The following TROAP variants were observed in gnomAD, a reference collection of about 807,000 sequenced individuals.
TROAP encodes tastin.
TROAP carries 62 observed loss-of-function variants against 83.4 expected under a neutral mutation model. The observed-to-expected ratio is 0.74, with a 90% CI of 0.61 to 0.92. TROAP has a LOEUF of 0.92. Among genes scored for constraint, TROAP ranks in the 40% least tolerant of loss-of-function variants. The pLI is 0.00. For synonymous variants in TROAP, 352 were observed against 386.4 expected, an observed-to-expected ratio of 0.91 and a Z score of 1.04; for missense variants, 876 against 985.1, an observed-to-expected ratio of 0.89 and a Z score of 1.48.
Position 49,331,260 on chromosome 12 carries a change from C to G in TROAP, c.2145C>G (p.Leu715=). ...GAACCCTAGCCCTGAGGGAGCGCCT[C>G]AAATCGTGTTTAACCGCCATCCACT... ...APRTLALRER[L]KSCLTAIHCF... is the part of the protein sequence containing the mutation. The change falls in exon 14 of 15, where the codon CTC becomes CTG. Residue 715 remains leucine (L), a synonymous_variant. Transcript: ENST00000257909. 3 of 1,614,242 alleles carry G rather than the reference C, an allele frequency of 1.9e-6. No homozygotes were observed. The highest frequency in any genetic ancestry group is 2.5e-6 in the Non-Finnish European group (3 of 1,180,048).
At chr12:49,325,375 A>G in intron 3 of TROAP, 126 bp from the exon 4 acceptor site, 1 of 1,069,490 alleles carries the variant, frequency 9.4e-7, no homozygotes, top group South Asian at 1.9e-5. Flanking sequence ...TTAAAAAAAA[A>G]AAAAAAAATA....
In TROAP at chr12:49,325,847, G is replaced by A. The variant is rs756121722; in HGVS notation, c.596G>A (p.Arg199Gln). ...CFSRLEGPGP[R>Q]GRTLCPQRLQ... is the part of the protein sequence containing the mutation. ...TCTAGGCTGGAGGGACCAGGACCTC[G>A]AGGCCGGACATTGTGCCCCCAGAGG... The change falls in exon 5 of 15, where the codon CGA becomes CAA. Residue 199 changes from arginine (R) to glutamine (Q), a missense_variant. By Grantham distance (43) the Arg-to-Gln change is conservative (BLOSUM62 1). Coordinates refer to ENST00000257909, the MANE Select transcript of TROAP (RefSeq NM_005480.4). 60 of 1,613,866 alleles carry A rather than the reference G, an allele frequency of 3.7e-5. No homozygotes were observed. The highest frequency in any genetic ancestry group is 8.3e-5 in the Admixed American group (5 of 60,000).
In TROAP at chr12:49,330,915, G is replaced by A; in HGVS notation, c.2070G>A (p.Gln690=). 1 of 1,612,256 alleles carries A rather than the reference G, an allele frequency of 6.2e-7. No homozygotes were observed. The highest frequency in any genetic ancestry group is 2.2e-5 in the East Asian group (1 of 44,886). ...CCAGCCCCCCTATCTGCTCACTCCA[G>A]TCTTTGAGACCCCCAGCAGGCCAGG... ...LCASPPICSL[Q]SLRPPAGQAG... The change falls in exon 13 of 15, where the codon CAG becomes CAA. Residue 690 remains glutamine, a synonymous_variant. Transcript: ENST00000257909.
In TROAP at chr12:49,329,882, A is replaced by ACCAGG. The variant is rs1368342328; in HGVS notation, c.1191_1195dup (p.Glu399AlafsTer6). ...GAGCAGGTTGCCGTCCGGTTGTTTGACCAGGAGAGTTGTATAAGGTCACTG... is the reference window on the plus strand; with the variant it reads ...GAGCAGGTTGCCGTCCGGTTGTTTGACCAGGCCAGGAGAGTTGTATAAGGTCACTG... On this transcript the variant is annotated frameshift_variant, in exon 12 of 15. Transcript: ENST00000257909. LOFTEE classifies it high-confidence loss of function. This position sits in a 1 kb window ranked among gnomAD's most constrained non-coding sequence, Gnocchi z 4.5. 18 of 1,613,776 alleles carry ACCAGG rather than the reference A, an allele frequency of 1.1e-5. 1 individual carries two copies. Among genetic ancestry groups the ACCAGG allele is most frequent in the Non-Finnish European group, 1.7e-6 (2 of 1,179,938 alleles).
intron 8 of TROAP, among the ~76,000 whole-genome samples, chr12:49,328,642 A>G (rs1943534704): frequency 6.6e-6 from 1 of 152,092 alleles, no homozygotes. Context: ...AGGCGGGCAG[A>G]TCACGAGGTC....
intron 3 of TROAP, 134 bp downstream of exon 3, chr12:49,324,171 T>C: frequency 1.2e-6 from 2 of 1,614,148 alleles, no homozygotes; most frequent in Non-Finnish European, 1.7e-6. Context: ...TCCCAGCTCC[T>C]GGAAAGCTCT....
chr12:49,330,211 C>T lies in TROAP; in HGVS notation c.1366C>T (p.Pro456Ser). Reference sequence around the variant, plus strand: ...GGGGCTGGTAGGGGGCCAGTGTGTCCCTCTTAATGGAGGCTCTTCTCTGGA... The same window carrying T: ...GGGGCTGGTAGGGGGCCAGTGTGTCTCTCTTAATGGAGGCTCTTCTCTGGA... ...VEGLVGGQCV[P>S]LNGGSSLDMV... Residue 456 changes from proline to serine, a missense_variant, in exon 13 of 15, where the codon CCT becomes TCT. Transcript: ENST00000257909. 1 of 1,614,092 alleles carries T rather than the reference C, an allele frequency of 6.2e-7. No individual in the cohort carries two copies. Among genetic ancestry groups the T allele is most frequent in the Non-Finnish European group, 8.5e-7 (1 of 1,179,992 alleles).
In TROAP at chr12:49,327,197, G is replaced by A. The variant is rs1943512958; in HGVS notation, c.770-12G>A. 1.2e-6 allele frequency: 2 copies of A among 1,613,694 alleles called. No individual in the cohort carries two copies. Among genetic ancestry groups the A allele is most frequent in the African/African-American group, 1.3e-5 (1 of 74,922 alleles). ...TTCTAGAGTCTACAACAAATGTCCT[G>A]TTTCTTCCTAGCTTTCTCTCTTCCT... On this transcript the variant is annotated splice_polypyrimidine_tract_variant and intron_variant, in intron 7 of 14. Transcript: ENST00000257909.
At chr12:49,331,539 G>C in intron 14 of TROAP, 34 bp from the exon 15 acceptor site, 1 of 1,614,188 alleles carries the variant, frequency 6.2e-7, no homozygotes, top group Non-Finnish European at 8.5e-7. Context: ...GTGCAAGGTT[G>C]GCTGAGCTGT....
At chr12:49,330,049 G>C (rs1343557936) in intron 12 of TROAP, 58 bp downstream of exon 12, 5 of 1,608,170 alleles carry the variant, frequency 3.1e-6, no homozygotes, top group Non-Finnish European at 4.3e-6. Flanking sequence ...GGCTGAGGAA[G>C]AGGGAAAAGA....
Position 49,329,363 on chromosome 12 carries a change from C to A in TROAP, c.1105-32C>A. 3 of 1,613,180 alleles carry A rather than the reference C, an allele frequency of 1.9e-6. No homozygotes were observed. Among genetic ancestry groups the A allele is most frequent in the Non-Finnish European group, 2.5e-6 (3 of 1,179,422 alleles). ...GAGGCTGAGTGCCATCTGTGGGTGT[C>A]AGCCCTTGCTGACATCTCACTTCTG... On this transcript the variant is annotated intron_variant, in intron 10 of 14. Coordinates refer to ENST00000257909, the MANE Select transcript of TROAP (RefSeq NM_005480.4). The surrounding 1 kb of genome is among the most constrained non-coding windows in gnomAD (Gnocchi z 4.5).
chr12:49,324,376 C>A, intron 3 of TROAP: 1 of 518,872 alleles, frequency 1.9e-6, no homozygotes, highest in Non-Finnish European at 3.3e-6. Context: ...TAATAAATAT[C>A]ACTTCTTCTG....
At chr12:49,331,476 A>AG in intron 14 of TROAP, 69 bp downstream of exon 14, 2 of 1,609,362 alleles carry the variant, frequency 1.2e-6, no homozygotes, top group Non-Finnish European at 1.7e-6. Flanking sequence ...GAACAGGGAC[A>AG]GGGGGCCACC....
intron 3 of TROAP, among the ~76,000 whole-genome samples, chr12:49,324,735 C>CTT (rs1375214809): frequency 8.9e-5 from 12 of 134,508 alleles, no homozygotes; most frequent in Middle Eastern, 3.7e-3. Flanking sequence ...TTTTTCTTTT[C>CTT]TTTTTTTTTT....
chr12:49,328,468 C>T (rs1943532528), intron 8 of TROAP, among the ~76,000 whole-genome samples: 1 of 152,010 alleles, frequency 6.6e-6, no homozygotes, highest in African/African-American at 2.4e-5. Flanking sequence ...GGTGCTCCAC[C>T]CTCCTCGGCT....
Position 49,329,498 on chromosome 12 carries a change from G to T in TROAP, c.1164+44G>T. On this transcript the variant is annotated intron_variant, in intron 11 of 14. Coordinates refer to ENST00000257909, the MANE Select transcript of TROAP (RefSeq NM_005480.4). This position sits in a 1 kb window ranked among gnomAD's most constrained non-coding sequence, Gnocchi z 4.5. Reference sequence around the variant, plus strand: ...CCCCTACTGAGATCCCTTGCCCTGTGCTGCCAGCCTGGAGGCCCAGGAGTT... The same window carrying T: ...CCCCTACTGAGATCCCTTGCCCTGTTCTGCCAGCCTGGAGGCCCAGGAGTT... 6.4e-7 allele frequency: 1 copy of T among 1,564,854 alleles called. No individual in the cohort carries two copies. Among genetic ancestry groups the T allele is most frequent in the Non-Finnish European group, 8.6e-7 (1 of 1,157,736 alleles).
Position 49,327,282 on chromosome 12 carries a change from G to A in TROAP, c.843G>A (p.Leu281=), listed in dbSNP as rs1048826856. The part of the protein sequence containing the change: ...SDEGGVASLG[L]AQRVPLRENR... The stretch of plus-strand genomic sequence containing the variant: ...AAGGAGGTGTGGCCTCTCTTGGTCT[G>A]GCCCAGCGAGTACCATTAAGAGAAA... The change falls in exon 8 of 15, where the codon CTG becomes CTA. Residue 281 remains leucine (L), a synonymous_variant. Transcript: ENST00000257909. 1 of 1,614,182 alleles carries A rather than the reference G, an allele frequency of 6.2e-7. No individual in the cohort carries two copies. Among genetic ancestry groups the A allele is most frequent in the Admixed American group, 1.7e-5 (1 of 60,022 alleles).
At chr12:49,331,110 T>A in intron 13 of TROAP, 104 bp from the exon 14 acceptor site, 4 of 1,553,820 alleles carry the variant, frequency 2.6e-6, no homozygotes, top group Non-Finnish European at 3.5e-6. Context: ...CTTCCAGCCC[T>A]GTGCTCCTAA....
chr12:49,327,780 C>G (rs1943522315), intron 8 of TROAP, among the ~76,000 whole-genome samples: 1 of 151,926 alleles, frequency 6.6e-6, no homozygotes, highest in Admixed American at 6.6e-5. Context: ...ATGGTAAGTT[C>G]TCTCTAAAAT....
Sources: gnomAD v4.1 joint callset for allele counts (sites outside exome capture counted in the v4.1 genomes callset) on GRCh38, gnomAD v4.1.1 for gene constraint, Gnocchi (gnomAD v3.1) non-coding constraint, MANE v1.5 for transcripts, NCBI Gene and HGNC (gene_info 2026-07-23, HGNC 2026-07-21) for gene names.